Variants in SORCS3 observed in about 807,000 individuals in gnomAD.
SORCS3 encodes sortilin related VPS10 domain containing receptor 3.
A neutral mutation model predicts 146.3 loss-of-function variants in SORCS3; 57 were observed. The ratio of observed to expected loss-of-function variants is 0.39; its 90% CI spans 0.31 to 0.49. The LOEUF (loss-of-function observed/expected upper bound fraction) is 0.49, where lower values mean the gene tolerates loss of function less well. Among genes scored for constraint, SORCS3 ranks in the 20% least tolerant of loss-of-function variants. The probability of loss-of-function intolerance (pLI) is 0.92; values close to 1 mark genes in which losing one functional copy is unlikely to be tolerated. For missense variants in SORCS3, 1,341 were observed against 1,575.5 expected, an observed-to-expected ratio of 0.85 and a Z score of 2.52; for synonymous variants, 653 against 618.5, an observed-to-expected ratio of 1.06 and a Z score of -0.83.
At chr10:105,029,895 C>G (rs1231269230) in intron 4 of SORCS3, among the ~76,000 whole-genome samples, 1 of 152,144 alleles carries the variant, frequency 6.6e-6, no homozygotes, top group East Asian at 1.9e-4. Context: ...CATCTGGGAG[C>G]TTGTTAAAAC....
At chr10:104,812,191 A>C (rs897382181) in intron 1 of SORCS3, among the ~76,000 whole-genome samples, 1 of 152,168 alleles carries the variant, frequency 6.6e-6, no homozygotes. Flanking sequence ...GACACAGTGC[A>C]TCTTAGTCCA....
At chr10:104,711,133 T>TA (rs1428607459) in intron 1 of SORCS3, among the ~76,000 whole-genome samples, 2 of 152,244 alleles carry the variant, frequency 1.3e-5, no homozygotes, top group Non-Finnish European at 2.9e-5. Context: ...CTTGAGCACT[T>TA]ACAATATACC....
intron 2 of SORCS3, among the ~76,000 whole-genome samples, chr10:104,846,879 G>A (rs2133550059): frequency 6.6e-6 from 1 of 152,292 alleles, no homozygotes; most frequent in South Asian, 2.1e-4. Flanking sequence ...GAGTTACCTG[G>A]GTCATAAGGC....
intron 1 of SORCS3, among the ~76,000 whole-genome samples, chr10:104,791,622 TGAAGC>T: frequency 6.6e-6 from 1 of 152,178 alleles, no homozygotes; most frequent in Non-Finnish European, 1.5e-5. Flanking sequence ...TGTATTCAAG[TGAAGC>T]TCAGGCTCTG....
chr10:104,689,822 G>C (rs571579494), intron 1 of SORCS3, among the ~76,000 whole-genome samples: 41 of 152,288 alleles, frequency 2.7e-4, no homozygotes, highest in Non-Finnish European at 5.6e-4. Context: ...CGAAGGCCTA[G>C]AGAAAAGGAA....
intron 5 of SORCS3, among the ~76,000 whole-genome samples, chr10:105,062,467 T>C (rs2133719222): frequency 6.6e-6 from 1 of 152,334 alleles, no homozygotes; most frequent in South Asian, 2.1e-4. Context: ...AACTGTTCTT[T>C]CTGGGTTCAA....
rs576015245 is a variant in SORCS3 at position 105,093,575 on chromosome 10, A to T, written c.1093+3736A>T. ...AATAAAAAACAGCTCATTAAATAAA[A>T]GTTTGAATAGATCATTTAGCAAAGA... On this transcript the variant is annotated intron_variant, in intron 6 of 26. Coordinates refer to ENST00000369701, the MANE Select transcript of SORCS3 (RefSeq NM_014978.3). 6.0e-4 allele frequency among the ~76,000 whole-genome samples: 92 copies of T among 152,312 alleles called. 1 individual carries two copies. The Middle Eastern group carries it at 0.01, about 17-fold the overall frequency.
intron 3 of SORCS3, among the ~76,000 whole-genome samples, chr10:104,929,367 T>C (rs1156366857): frequency 2.0e-5 from 3 of 152,366 alleles, no homozygotes; most frequent in African/African-American, 7.2e-5. Context: ...CATATCAATG[T>C]AGCTGGCTTT....
intron 12 of SORCS3, among the ~76,000 whole-genome samples, chr10:105,164,714 T>G (rs1003280850): frequency 6.6e-6 from 1 of 151,912 alleles, no homozygotes; most frequent in Non-Finnish European, 1.5e-5. Flanking sequence ...GTGCCAAGAG[T>G]TCTTGGCAAG....
intron 19 of SORCS3, among the ~76,000 whole-genome samples, chr10:105,221,054 CTTCCTT>C (rs1279360135): frequency 6.6e-6 from 1 of 152,180 alleles, no homozygotes; most frequent in African/African-American, 2.4e-5. Context: ...TGTAGATACT[CTTCCTT>C]TTAAGTATTC....
At chr10:104,742,167 A>T (rs2016855583) in intron 1 of SORCS3, among the ~76,000 whole-genome samples, 1 of 152,088 alleles carries the variant, frequency 6.6e-6, no homozygotes, top group Non-Finnish European at 1.5e-5. Flanking sequence ...GTTAGTTTAG[A>T]TTGACACCCT....
intron 1 of SORCS3, among the ~76,000 whole-genome samples, chr10:104,705,201 A>G (rs558609702): frequency 7.6e-5 from 11 of 144,236 alleles, no homozygotes; most frequent in African/African-American, 2.8e-4. Flanking sequence ...TTATTTGCTC[A>G]TCTTTTGATA....
At chr10:104,758,004 G>C (rs1677355811) in intron 1 of SORCS3, among the ~76,000 whole-genome samples, 1 of 152,032 alleles carries the variant, frequency 6.6e-6, no homozygotes, top group South Asian at 2.1e-4. Flanking sequence ...ACATCAGTCT[G>C]GAACATAAAA....
At chr10:105,168,541 C>A (rs1283638091) in intron 13 of SORCS3, among the ~76,000 whole-genome samples, 2 of 152,068 alleles carry the variant, frequency 1.3e-5, no homozygotes, top group African/African-American at 4.8e-5. Flanking sequence ...TTCACATGGG[C>A]AGCAAGGTGG....
intron 1 of SORCS3, among the ~76,000 whole-genome samples, chr10:104,686,180 AG>A (rs916967901): frequency 2.6e-5 from 4 of 151,870 alleles, no homozygotes; most frequent in Non-Finnish European, 5.9e-5. Flanking sequence ...GTCAGGTTGG[AG>A]GGTATGGCCT....
At chr10:105,202,443 T>G (rs568644589) in intron 16 of SORCS3, among the ~76,000 whole-genome samples, 1 of 152,280 alleles carries the variant, frequency 6.6e-6, no homozygotes, top group East Asian at 1.9e-4. Flanking sequence ...CCGGCACCTT[T>G]GAGTCACTCA....
chr10:105,030,453 T>C (rs951091259), intron 4 of SORCS3, among the ~76,000 whole-genome samples: 9 of 152,122 alleles, frequency 5.9e-5, no homozygotes, highest in Admixed American at 2.6e-4. Context: ...TTCTGAGAGA[T>C]TGGAAGTGTC....
At chr10:105,104,241 T>C (rs2055806178) in intron 6 of SORCS3, among the ~76,000 whole-genome samples, 1 of 152,242 alleles carries the variant, frequency 6.6e-6, no homozygotes, top group African/African-American at 2.4e-5. Context: ...TTCTCTACTT[T>C]TAATCTTAAA....
intron 1 of SORCS3, among the ~76,000 whole-genome samples, chr10:104,760,158 A>G (rs933861923): frequency 1.3e-5 from 2 of 152,162 alleles, no homozygotes; most frequent in African/African-American, 4.8e-5. Context: ...GGAGAATGGC[A>G]GCTGAGCAGG....
Sources: allele counts gnomAD v4.1 joint callset (sites outside exome capture counted in the v4.1 genomes callset), GRCh38; gene constraint gnomAD v4.1.1; transcripts MANE v1.5; gene names NCBI Gene and HGNC (gene_info 2026-07-23, HGNC 2026-07-21).